The following IQSEC1 variants were observed in gnomAD, a reference collection of about 807,000 sequenced individuals.
IQSEC1 encodes the protein IQ motif and SEC7 domain-containing protein 1.
Under a neutral mutation model 91.0 loss-of-function variants are expected in IQSEC1, and 31 were observed. The ratio of observed to expected loss-of-function variants is 0.34; its 90% CI spans 0.26 to 0.46. The LOEUF is 0.46. IQSEC1 is among the 20% of genes least tolerant of loss of function. The pLI is 1.00. For synonymous variants in IQSEC1, 699 were observed against 662.6 expected (o/e 1.05, Z -0.84); for missense variants, 1,388 against 1,575.6 (o/e 0.88, Z 2.02).
At chr3:12,927,577 G>T (rs986606241) in intron 3 of IQSEC1, among the ~76,000 whole-genome samples, 1 of 152,200 alleles carries the variant, frequency 6.6e-6, no homozygotes, top group African/African-American at 2.4e-5. Context: ...CCTCTGATGT[G>T]GATGTGCCAC....
chr3:13,241,795 T>C (rs1283559883), intron 1 of IQSEC1, among the ~76,000 whole-genome samples: 1 of 152,212 alleles, frequency 6.6e-6, no homozygotes, highest in Non-Finnish European at 1.5e-5. Flanking sequence ...CACTGGCCCC[T>C]GGACCCCTCT....
chr3:13,090,303 C>A (rs3930429), intron 2 of IQSEC1, among the ~76,000 whole-genome samples: 54,535 of 151,996 alleles, frequency 0.36, 10,173 homozygotes, highest in East Asian at 0.54. Flanking sequence ...ACTGTTAGCA[C>A]GCTAGCTTCA....
chr3:13,189,882 C>A (rs1426540880), intron 1 of IQSEC1, among the ~76,000 whole-genome samples: 1 of 152,236 alleles, frequency 6.6e-6, no homozygotes, highest in Non-Finnish European at 1.5e-5. Flanking sequence ...TGTGACTCAT[C>A]TAGGCCAGTT....
chr3:13,106,624 C>G (rs1706157084), intron 2 of IQSEC1, among the ~76,000 whole-genome samples: 1 of 152,204 alleles, frequency 6.6e-6, no homozygotes. Context: ...AGCACTGCCT[C>G]TCCACAGAAC....
chr3:13,013,374 G>A (rs1702978182), intron 1 of IQSEC1, among the ~76,000 whole-genome samples: 1 of 152,152 alleles, frequency 6.6e-6, no homozygotes, highest in African/African-American at 2.4e-5. Context: ...ACACTGGTTG[G>A]GATTTTTGGG....
chr3:12,918,398 G>A (rs937611452), intron 6 of IQSEC1, among the ~76,000 whole-genome samples: 21 of 152,274 alleles, frequency 1.4e-4, no homozygotes, highest in African/African-American at 4.3e-4. Flanking sequence ...CAGACTGGCC[G>A]CCACCTGACT....
chr3:13,127,280 G>T lies in IQSEC1; in HGVS notation c.302+36824C>A, dbSNP rs147280429. Among the ~76,000 whole-genome samples the T allele has an allele frequency of 8.0e-3, 1,218 of 152,228 alleles. 25 individuals carry two copies. Among genetic ancestry groups the T allele is most frequent in the African/African-American group, 0.028 (1,173 of 41,512 alleles). On this transcript the variant is annotated intron_variant, in intron 2 of 15. Coordinates refer to the IQSEC1 transcript ENST00000648114. ...ATAAAAAAAATTAGCCAGGTGTGGT[G>T]GCAGGCGCCTGTAATCCCAGCTACT...
intron 1 of IQSEC1, among the ~76,000 whole-genome samples, chr3:13,024,261 A>G (rs1703518614): frequency 6.6e-6 from 1 of 152,188 alleles, no homozygotes; most frequent in South Asian, 2.1e-4. Flanking sequence ...GGATTCATTA[A>G]TCCATTCACA....
chr3:13,116,471 G>A (rs959358524), intron 2 of IQSEC1, among the ~76,000 whole-genome samples: 8 of 152,236 alleles, frequency 5.3e-5, no homozygotes, highest in Non-Finnish European at 2.9e-5. Flanking sequence ...ACAGTCAAAT[G>A]ATTTTCAGCA....
chr3:13,194,046 C>T (rs149229680), intron 1 of IQSEC1, among the ~76,000 whole-genome samples: 1 of 152,302 alleles, frequency 6.6e-6, no homozygotes, highest in Non-Finnish European at 1.5e-5. Flanking sequence ...CATGGTCTTC[C>T]CTCTGTGTGT....
intron 1 of IQSEC1, among the ~76,000 whole-genome samples, chr3:13,215,698 C>T (rs972351899): frequency 1.3e-5 from 2 of 152,226 alleles, no homozygotes; most frequent in African/African-American, 4.8e-5. Flanking sequence ...ATGGCCACTG[C>T]ACTCCACCCC....
At chr3:13,174,833 T>TCC (rs754194155) in intron 1 of IQSEC1, among the ~76,000 whole-genome samples, 7 of 112,762 alleles carry the variant, frequency 6.2e-5, no homozygotes, top group East Asian at 2.6e-4. Context: ...GTCTTTCTGC[T>TCC]CCCCCCCCCC....
upstream of IQSEC1, among the ~76,000 whole-genome samples, chr3:13,073,934 G>A (rs1213082364): frequency 1.3e-5 from 2 of 152,250 alleles, no homozygotes; most frequent in Admixed American, 1.3e-4. Context: ...GGATGGCAGA[G>A]CAGTCCTCGT....
intron 12 of IQSEC1, among the ~76,000 whole-genome samples, chr3:12,907,665 T>G (rs1281503012): frequency 6.6e-6 from 1 of 152,226 alleles, no homozygotes; most frequent in Non-Finnish European, 1.5e-5. Context: ...CAAAAGCCCC[T>G]GAGCCTTGCT....
rs1218150787 is a variant in IQSEC1 at position 12,979,808 on chromosome 3, G to A, written c.24-37943C>T. ...TATGCTCCATGTCACCAAGAGCTGA[G>A]CCTGTGCCTCACCCGGAATCGTTTC... On this transcript the variant is annotated intron_variant, in intron 1 of 13. Coordinates refer to ENST00000613206, the MANE Select transcript of IQSEC1 (RefSeq NM_001134382.3). This position sits in a 1 kb window ranked among gnomAD's most constrained non-coding sequence, Gnocchi z 4.3. 6.6e-6 allele frequency among the ~76,000 whole-genome samples: 1 copy of A among 152,142 alleles called. No homozygotes were observed. The highest frequency in any genetic ancestry group is 2.4e-5 in the African/African-American group (1 of 41,412).
intron 1 of IQSEC1, among the ~76,000 whole-genome samples, chr3:13,067,370 C>A (rs188202251): frequency 6.6e-6 from 1 of 152,302 alleles, no homozygotes; most frequent in Non-Finnish European, 1.5e-5. Context: ...CCTCCTAAGC[C>A]CCCACTGGTG....
chr3:13,126,285 T>C (rs955474108), intron 2 of IQSEC1, among the ~76,000 whole-genome samples: 1 of 152,234 alleles, frequency 6.6e-6, no homozygotes, highest in Non-Finnish European at 1.5e-5. Context: ...GGTGTGCATT[T>C]GTAATCTGGC....
At chr3:13,111,820 C>G (rs1472494388) in intron 2 of IQSEC1, among the ~76,000 whole-genome samples, 2 of 152,322 alleles carry the variant, frequency 1.3e-5, no homozygotes, top group Non-Finnish European at 1.5e-5. Flanking sequence ...AATCCACCAG[C>G]AACCTGACCT....
At chr3:12,906,229 C>T (rs1377894382) in intron 12 of IQSEC1, among the ~76,000 whole-genome samples, 1 of 152,200 alleles carries the variant, frequency 6.6e-6, no homozygotes, top group East Asian at 1.9e-4. Flanking sequence ...ATGGAGGGGA[C>T]ACTGTCCGCA....
Sources: allele counts gnomAD v4.1 joint callset (sites outside exome capture counted in the v4.1 genomes callset), GRCh38; gene constraint gnomAD v4.1.1; non-coding constraint Gnocchi (gnomAD v3.1); transcripts MANE v1.5; gene names NCBI Gene and HGNC (gene_info 2026-07-23, HGNC 2026-07-21).